The following GRIK2 variants were observed in gnomAD, a reference collection of about 807,000 sequenced individuals.
GRIK2 encodes the protein glutamate receptor ionotropic, kainate 2.
A neutral mutation model predicts 100.3 loss-of-function variants in GRIK2; 32 were observed. That is an observed-to-expected ratio of 0.32 (90% confidence interval 0.24 to 0.43). The LOEUF (loss-of-function observed/expected upper bound fraction) is 0.43, where lower values mean the gene tolerates loss of function less well. Among genes scored for constraint, GRIK2 ranks in the 20% least tolerant of loss-of-function variants. The pLI is 1.00. For synonymous variants in GRIK2, 417 were observed against 389.4 expected (o/e 1.07, Z -0.83); for missense variants, 843 against 1,114.9 (o/e 0.76, Z 3.47).
intron 16 of GRIK2, among the ~76,000 whole-genome samples, chr6:102,068,146 C>G (rs569057856): frequency 6.6e-6 from 1 of 151,786 alleles, no homozygotes; most frequent in Non-Finnish European, 1.5e-5. Context: ...TTTCTTTAAA[C>G]TAGCCCACTT....
chr6:102,056,727 C>A (rs1007524372), intron 16 of GRIK2, among the ~76,000 whole-genome samples: 1 of 151,760 alleles, frequency 6.6e-6, no homozygotes, highest in African/African-American at 2.4e-5. Flanking sequence ...AAAAATGCTC[C>A]TTTATCTCTA....
rs183791656 is a variant in GRIK2, at chr6:101,649,297, C to T, written c.541+22660C>T. On this transcript the variant is annotated intron_variant, in intron 4 of 16. Transcript: ENST00000369134. ...TTTATTTCCATCACCTCAATCCCCTCAGGAAGTACAGAAAACTCACAGAGA... is the reference window on the plus strand; with the variant it reads ...TTTATTTCCATCACCTCAATCCCCTTAGGAAGTACAGAAAACTCACAGAGA... Among the ~76,000 whole-genome samples the T allele has an allele frequency of 2.6e-5, 4 of 152,206 alleles. No homozygotes were observed. The East Asian group carries it at 7.7e-4, about 29-fold the overall frequency.
intron 15 of GRIK2, among the ~76,000 whole-genome samples, chr6:102,047,371 T>G (rs1770947914): frequency 1.3e-5 from 2 of 151,988 alleles, no homozygotes; most frequent in Non-Finnish European, 2.9e-5. Flanking sequence ...AACTGAAAAC[T>G]CTAAAGCATT....
At chr6:101,984,493 C>A (rs1164716436) in intron 14 of GRIK2, among the ~76,000 whole-genome samples, 1 of 151,590 alleles carries the variant, frequency 6.6e-6, no homozygotes, top group Non-Finnish European at 1.5e-5. Context: ...AACTGAACAT[C>A]TAAGATTCCT....
intron 2 of GRIK2, among the ~76,000 whole-genome samples, chr6:101,608,453 A>C (rs1352810501): frequency 6.6e-6 from 1 of 151,848 alleles, no homozygotes; most frequent in Non-Finnish European, 1.5e-5. Context: ...TTCTAGTAAA[A>C]TTTGTCTAAT....
intron 10 of GRIK2, among the ~76,000 whole-genome samples, chr6:101,849,664 A>T (rs780191132): frequency 1.3e-5 from 2 of 152,008 alleles, no homozygotes; most frequent in Non-Finnish European, 2.9e-5. Context: ...CTGCTCAGAA[A>T]ATAGAAGGAA....
chr6:101,601,695 A>G (rs1010473284), intron 2 of GRIK2, among the ~76,000 whole-genome samples: 1 of 151,790 alleles, frequency 6.6e-6, no homozygotes, highest in Non-Finnish European at 1.5e-5. Flanking sequence ...TCCATTTCCT[A>G]TAGATTTTTT....
At chr6:101,975,551 C>A (rs1407176946) in intron 14 of GRIK2, among the ~76,000 whole-genome samples, 1 of 151,862 alleles carries the variant, frequency 6.6e-6, no homozygotes, top group Non-Finnish European at 1.5e-5. Context: ...ATCCATTGGA[C>A]TTTCTGACAT....
intron 2 of GRIK2, among the ~76,000 whole-genome samples, chr6:101,461,762 T>C (rs1313064563): frequency 6.6e-6 from 1 of 152,202 alleles, no homozygotes; most frequent in African/African-American, 2.4e-5. Context: ...ACATAAGCTC[T>C]CCATTACCAG....
intron 11 of GRIK2, among the ~76,000 whole-genome samples, chr6:101,875,231 T>G (rs1008930325): frequency 1.3e-5 from 2 of 151,910 alleles, no homozygotes; most frequent in Non-Finnish European, 2.9e-5. Flanking sequence ...CCATTCCTCT[T>G]AATCCTTGTT....
intron 11 of GRIK2, among the ~76,000 whole-genome samples, chr6:101,878,033 T>G (rs1785976038): frequency 6.7e-6 from 1 of 150,048 alleles, no homozygotes; most frequent in Non-Finnish European, 1.5e-5. Context: ...AATGATTAAA[T>G]GACCTAAAAT....
chr6:101,632,064 C>A (rs928028368), intron 4 of GRIK2, among the ~76,000 whole-genome samples: 3 of 152,096 alleles, frequency 2.0e-5, no homozygotes, highest in Non-Finnish European at 2.9e-5. Context: ...AGCTCTCTTT[C>A]TGATCCTATT....
chr6:101,992,334 T>C (rs1390883593), intron 14 of GRIK2, among the ~76,000 whole-genome samples: 1 of 151,586 alleles, frequency 6.6e-6, no homozygotes, highest in East Asian at 1.9e-4. Flanking sequence ...GGTGATATAT[T>C]CTAATATTGC....
chr6:101,582,845 A>C (rs1237939862), intron 2 of GRIK2, among the ~76,000 whole-genome samples: 1 of 152,116 alleles, frequency 6.6e-6, no homozygotes, highest in African/African-American at 2.4e-5. Context: ...AGCAGAGGAA[A>C]CCATGTGGTT....
intron 12 of GRIK2, among the ~76,000 whole-genome samples, chr6:101,908,949 C>T (rs1788439305): frequency 6.6e-6 from 1 of 151,160 alleles, no homozygotes; most frequent in South Asian, 2.1e-4. Flanking sequence ...TACTAGAGAT[C>T]ACACAGTCAA....
In GRIK2 at chr6:101,583,858, T is replaced by G. The variant is rs187821691; in HGVS notation, c.116-38091T>G. Among the ~76,000 whole-genome samples the G allele has an allele frequency of 1.1e-3, 160 of 152,250 alleles. 1 individual carries two copies. The highest frequency in any genetic ancestry group is 3.4e-3 in the African/African-American group (142 of 41,570). On this transcript the variant is annotated intron_variant, in intron 2 of 16. Coordinates refer to ENST00000369134, the MANE Select transcript of GRIK2 (RefSeq NM_021956.5). Reference sequence around the variant, plus strand: ...AAAGATGGGAATTTAATTGCTCTCATCAAACATATTGCCTAATAAATTGCT... The same window carrying G: ...AAAGATGGGAATTTAATTGCTCTCAGCAAACATATTGCCTAATAAATTGCT...
chr6:101,728,067 C>A (rs1477074915), intron 7 of GRIK2, among the ~76,000 whole-genome samples: 2 of 151,914 alleles, frequency 1.3e-5, no homozygotes, highest in East Asian at 3.9e-4. Context: ...TAAAATAATT[C>A]ATATAATTAT....
At chr6:101,938,123 TAA>T (rs929971136) in intron 14 of GRIK2, among the ~76,000 whole-genome samples, 6 of 150,830 alleles carry the variant, frequency 4.0e-5, no homozygotes, top group African/African-American at 1.5e-4. Flanking sequence ...ACATACTAGT[TAA>T]GTTTTTTTTT....
At chr6:101,548,062 G>C (rs956160975) in intron 2 of GRIK2, among the ~76,000 whole-genome samples, 2 of 151,826 alleles carry the variant, frequency 1.3e-5, no homozygotes, top group African/African-American at 4.8e-5. Flanking sequence ...GCATTTCTCT[G>C]ATGGCCAGTG....
Sources: gnomAD v4.1 joint callset for allele counts (sites outside exome capture counted in the v4.1 genomes callset) on GRCh38, gnomAD v4.1.1 for gene constraint, MANE v1.5 for transcripts, NCBI Gene and HGNC (gene_info 2026-07-23, HGNC 2026-07-21) for gene names.